DHX16: variants seen among roughly 807,000 people sequenced by gnomAD.
The protein encoded by DHX16 is pre-mRNA-splicing factor ATP-dependent RNA helicase DHX16.
DHX16 carries 81 observed loss-of-function variants against 131.2 expected under a neutral mutation model. The observed-to-expected ratio is 0.62, with a 90% CI of 0.52 to 0.74. The LOEUF is 0.74. Ranked by LOEUF, DHX16 falls within the 30% of genes least tolerant of loss-of-function variation. The pLI is 0.00. For synonymous variants in DHX16, 440 were observed against 520.2 expected, an observed-to-expected ratio of 0.85 and a Z score of 2.10; for missense variants, 980 against 1,363.1, an observed-to-expected ratio of 0.72 and a Z score of 4.43.
At chr6:30,654,497 G>A (rs1178784133) in intron 19 of DHX16, among the ~76,000 whole-genome samples, 1 of 151,336 alleles carries the variant, frequency 6.6e-6, no homozygotes. Context: ...TTGCAGTGAG[G>A]CTAGATTGCG....
At chr6:30,669,279 A>G (rs1184275787) in intron 4 of DHX16, among the ~76,000 whole-genome samples, 1 of 146,628 alleles carries the variant, frequency 6.8e-6, no homozygotes, top group Non-Finnish European at 1.5e-5. Context: ...AAATTAGCCG[A>G]GTGTGGTACT....
At position 30,659,664 on chromosome 6, in the gene DHX16, C is replaced by G. The variant is rs371947110; in HGVS notation, c.1855-40G>C. On this transcript the variant is annotated intron_variant, in intron 11 of 19. Coordinates refer to ENST00000376442, the MANE Select transcript of DHX16 (RefSeq NM_003587.5). ...GGGAGAGCAGCAGGGGTCCCAGAGT[C>G]ACAGAAGGCCAACATGCCGGCCCTG... 60 of 1,613,240 alleles carry G rather than the reference C, an allele frequency of 3.7e-5. No individual in the cohort carries two copies. In the African/African-American group the frequency reaches 6.5e-4, roughly 18 times the overall value.
chr6:30,671,383 G>T, intron 1 of DHX16, 109 bp from the exon 2 acceptor site: 1 of 1,048,522 alleles, frequency 9.5e-7, no homozygotes, highest in Non-Finnish European at 1.4e-6. Flanking sequence ...TGCCCCCGCG[G>T]CCCGGCCCCA....
At chr6:30,664,477 CA>C (rs10627470) in intron 7 of DHX16, among the ~76,000 whole-genome samples, 3,143 of 75,650 alleles carry the variant, frequency 0.042, 70 homozygotes, top group East Asian at 0.11. Context: ...ACTCCGTCTC[CA>C]AAAAAAAAAA....
chr6:30,672,711 A>G lies in DHX16; in HGVS notation c.131T>C (p.Val44Ala), dbSNP rs747516861. The G allele has an allele frequency of 1.9e-5, 30 of 1,612,822 alleles. No homozygotes were observed. Among genetic ancestry groups the G allele is most frequent in the Non-Finnish European group, 1.7e-6 (2 of 1,180,002 alleles). Residue 44 changes from valine (V) to alanine (A), a missense_variant, in exon 1 of 20, where the codon GTG becomes GCG. By Grantham distance (64) the Val-to-Ala change is moderately conservative (BLOSUM62 0). Coordinates refer to ENST00000376442, the MANE Select transcript of DHX16 (RefSeq NM_003587.5). Reference protein sequence around the residue: ...AQRCTSAEEFVQRLRDTDTLD... With the variant: ...AQRCTSAEEFAQRLRDTDTLD... ...GGTATCAGTGTCTCGTAGGCGCTGC[A>G]CGAACTCCTCGGCAGAGGTGCAGCG...
chr6:30,654,685 G>T, intron 19 of DHX16, 21 bp downstream of exon 19: 1 of 1,601,304 alleles, frequency 6.2e-7, no homozygotes, highest in Non-Finnish European at 8.5e-7. Context: ...CACCTGCGTG[G>T]GCACAGGATG....
At chr6:30,669,336 G>A (rs921842789) in intron 4 of DHX16, among the ~76,000 whole-genome samples, 5 of 151,636 alleles carry the variant, frequency 3.3e-5, no homozygotes, top group East Asian at 1.9e-4. Flanking sequence ...CAGGAGAATC[G>A]CTTGATTCCT....
intron 4 of DHX16, among the ~76,000 whole-genome samples, chr6:30,667,439 G>A (rs545825394): frequency 6.6e-6 from 1 of 151,932 alleles, no homozygotes; most frequent in Non-Finnish European, 1.5e-5. Context: ...AAAATTAGCC[G>A]GGCGTGGCAG....
rs769313652 is a variant in DHX16, at chr6:30,671,128, G to C, written c.354C>G (p.Leu118=). 18 of 1,612,728 alleles carry C rather than the reference G, an allele frequency of 1.1e-5. No homozygotes were observed. The South Asian group carries it at 2.0e-4, about 18-fold the overall frequency. Residue 118 remains leucine (L), a synonymous_variant, in exon 2 of 20, where the codon CTC becomes CTG. Coordinates refer to ENST00000376442, the MANE Select transcript of DHX16 (RefSeq NM_003587.5). ...GTTTCCGCTTTTTACGTTTCTTCTG[G>C]AGGCTGCTTCCAGCCCTACTCACAG... ...EETVSRAGSS[L]QKKRKKRKHL... is the part of the protein sequence containing the mutation.
At position 30,671,307 on chromosome 6, in the gene DHX16, G is replaced by A. The variant is rs1251775690; in HGVS notation, c.208-33C>T. On this transcript the variant is annotated intron_variant, in intron 1 of 19. Transcript: ENST00000376442. ...TAGAGGGGAAGATAAGGAGGTCTGA[G>A]CAACTCCTGATCTCTGCCCTCCCAC... 4 of 1,584,616 alleles carry A rather than the reference G, an allele frequency of 2.5e-6. No homozygotes were observed. The African/African-American group carries it at 4.1e-5, about 16-fold the overall frequency.
chr6:30,655,729 G>A (rs1767923459), intron 16 of DHX16, 132 bp from the exon 17 acceptor site: 2 of 990,568 alleles, frequency 2.0e-6, no homozygotes, highest in Non-Finnish European at 3.0e-6. Flanking sequence ...TGGCTACAAA[G>A]CAGCCAGCAG....
At chr6:30,672,443 G>A (rs1769653531) in intron 1 of DHX16, among the ~76,000 whole-genome samples, 192 bp downstream of exon 1, 1 of 152,072 alleles carries the variant, frequency 6.6e-6, no homozygotes, top group African/African-American at 2.4e-5. Context: ...GTTCTATTGC[G>A]CTTAACCCGA....
intron 12 of DHX16, 147 bp from the exon 13 acceptor site, chr6:30,657,239 G>T: frequency 1.3e-6 from 1 of 779,482 alleles, no homozygotes; most frequent in Non-Finnish European, 2.0e-6. Context: ...AGGAGCAGGG[G>T]ACAAGGCCAG....
In DHX16 at chr6:30,662,882, T is replaced by G; in HGVS notation, c.1428+29A>C. The G allele has an allele frequency of 6.2e-7, 1 of 1,603,948 alleles. No individual in the cohort carries two copies. Among genetic ancestry groups the G allele is most frequent in the Non-Finnish European group, 8.5e-7 (1 of 1,172,650 alleles). ...GTAGACTGAGTCACAGACCCCAGAC[T>G]CTACCCCCCGGTTCCCTAGAAATCT... On this transcript the variant is annotated intron_variant, in intron 8 of 19. Coordinates refer to ENST00000376442, the MANE Select transcript of DHX16 (RefSeq NM_003587.5). The surrounding 1 kb of genome is among the most constrained non-coding windows in gnomAD (Gnocchi z 4.7).
chr6:30,668,416 C>A (rs28986315), intron 4 of DHX16, among the ~76,000 whole-genome samples: 3 of 151,992 alleles, frequency 2.0e-5, no homozygotes, highest in African/African-American at 7.3e-5. Context: ...TTTGGGAGAC[C>A]GAGGGGGGTG....
Position 30,672,920 on chromosome 6 carries a change from C to CCCTCGGCTGGAG in DHX16, c.-91_-80dup. 5.1e-6 allele frequency: 8 copies of CCCTCGGCTGGAG among 1,577,734 alleles called. No homozygotes were observed. The highest frequency in any genetic ancestry group is 6.9e-6 in the Non-Finnish European group (8 of 1,162,072). ...TGCTGGGCCGGTCAGAGGCCTGGAG[C>CCCTCGGCTGGAG]CCTCGGCTGGAGCCTCAGCTTCGCA... On this transcript the variant is annotated 5_prime_UTR_variant, in exon 1 of 20. Transcript: ENST00000376442.
Position 30,655,206 on chromosome 6 carries a change from GA to G in DHX16, c.2791del (p.Ser931ProfsTer24). ...TACACGGATATAGTCCCCCTGGCAG[GA>G]ACTGAGACCAACTTCCACACGTTCC... is the stretch of plus-strand genomic sequence containing the variant. ...LLERVEVGLS[S>X]CQGDYIRVRK... On this transcript the variant is annotated frameshift_variant, in exon 18 of 20. Coordinates refer to ENST00000376442, the MANE Select transcript of DHX16 (RefSeq NM_003587.5). LOFTEE classifies it high-confidence loss of function. The G allele has an allele frequency of 6.2e-7, 1 of 1,614,178 alleles. No homozygotes were observed. The highest frequency in any genetic ancestry group is 8.5e-7 in the Non-Finnish European group (1 of 1,180,048).
chr6:30,664,852 G>T lies in DHX16; in HGVS notation c.1266C>A (p.Gly422=), dbSNP rs762469113. ...GGGTGGTCTTCCCTGAGCCTGTCTC[G>T]CCTTCAATGATGAGGACTTGGTGAT... ...IANHQVLIIE[G]ETGSGKTTQI... The change falls in exon 7 of 20, where the codon GGC becomes GGA. Residue 422 remains glycine (G), a synonymous_variant. Transcript: ENST00000376442. 1 of 1,613,060 alleles carries T rather than the reference G, an allele frequency of 6.2e-7. No individual in the cohort carries two copies. The highest frequency in any genetic ancestry group is 1.3e-5 in the African/African-American group (1 of 75,034).
intron 4 of DHX16, among the ~76,000 whole-genome samples, chr6:30,669,723 T>TC (rs1769355706): frequency 1.6e-5 from 2 of 128,016 alleles, no homozygotes; most frequent in Admixed American, 1.7e-4. Flanking sequence ...AGACCCCGTT[T>TC]CAAAAAAAAG....
Sources: gnomAD v4.1 joint callset for allele counts (sites outside exome capture counted in the v4.1 genomes callset) on GRCh38, gnomAD v4.1.1 for gene constraint, Gnocchi (gnomAD v3.1) non-coding constraint, MANE v1.5 for transcripts, NCBI Gene and HGNC (gene_info 2026-07-23, HGNC 2026-07-21) for gene names.